ZNF132: variants seen among roughly 807,000 people sequenced by gnomAD.
ZNF132 encodes zinc finger protein 132 (clone pHZ-12).
Under a neutral mutation model 9.3 loss-of-function variants are expected in ZNF132, and 6 were observed. The observed-to-expected ratio is 0.65, with a 90% CI of 0.35 to 1.28. The LOEUF is 1.28. ZNF132 is among the 50% of genes most tolerant of loss of function. ZNF132 has a pLI of 0.03. For missense variants in ZNF132, 877 were observed against 843.2 expected, an observed-to-expected ratio of 1.04 and a Z score of -0.50; for synonymous variants, 296 against 292.0, an observed-to-expected ratio of 1.01 and a Z score of -0.14.
chr19:58,438,331 CAT>C (rs1405380870), intron 1 of ZNF132, among the ~76,000 whole-genome samples: 1 of 152,138 alleles, frequency 6.6e-6, no homozygotes, highest in East Asian at 1.9e-4. Flanking sequence ...TTCATAATCA[CAT>C]GTTTAGTGGT....
chr19:58,433,186 C>A lies in ZNF132; in HGVS notation c.*137G>T, dbSNP rs1436282538. On this transcript the variant is annotated 3_prime_UTR_variant, in exon 3 of 3. Coordinates refer to ENST00000254166, the MANE Select transcript of ZNF132 (RefSeq NM_003433.4). ...GCCCTGCAAAGGTTCCTGGGCTGGT[C>A]AGAAACAGAGTAGCTTCTGAAGGCT... The A allele has an allele frequency of 5.4e-6, 5 of 926,494 alleles. No individual in the cohort carries two copies. The African/African-American group carries it at 6.7e-5, about 12-fold the overall frequency. 57.4% of individuals were successfully genotyped at this position (926,494 alleles called of 1,614,324 possible).
chr19:58,439,629 G>T, intron 1 of ZNF132, 130 bp downstream of exon 1: 2 of 997,156 alleles, frequency 2.0e-6, no homozygotes, highest in Non-Finnish European at 2.8e-6. Context: ...CCAGGGCAGG[G>T]CCCAGGACCC....
chr19:58,439,662 C>A, intron 1 of ZNF132, 97 bp downstream of exon 1: 1 of 1,326,320 alleles, frequency 7.5e-7, no homozygotes, highest in South Asian at 1.6e-5. Flanking sequence ...AGGACACGAT[C>A]AAGAGTCCCA....
rs148123600 is a variant in ZNF132 at position 58,437,163 on chromosome 19, G to A, written c.116C>T (p.Thr39Ile). 1.9e-6 allele frequency: 3 copies of A among 1,613,748 alleles called. No individual in the cohort carries two copies. The highest frequency in any genetic ancestry group is 1.7e-6 in the Non-Finnish European group (2 of 1,179,832). Reference protein sequence around the residue: ...SAVPTLKSMVTFEDVAVYFSQ... With the variant: ...SAVPTLKSMVIFEDVAVYFSQ... ...GAAGTATACAGCCACATCTTCAAAG[G>A]TTACCATGCTCTTCAATGTGGGGAC... Residue 39 changes from threonine to isoleucine, a missense_variant, in exon 2 of 3, where the codon ACC becomes ATC. By Grantham distance (89) the Thr-to-Ile change is moderately conservative. Transcript: ENST00000254166.
At chr19:58,438,646 T>G (rs2052785826) in intron 1 of ZNF132, among the ~76,000 whole-genome samples, 1 of 151,970 alleles carries the variant, frequency 6.6e-6, no homozygotes, top group Non-Finnish European at 1.5e-5. Flanking sequence ...ACTAATTTTT[T>G]GTATTTTTAG....
Position 58,433,847 on chromosome 19 carries a change from G to A in ZNF132, c.1597C>T (p.His533Tyr), listed in dbSNP as rs148446188. Residue 533 changes from histidine (H) to tyrosine (Y), a missense_variant, in exon 3 of 3, where the codon CAC (histidine) becomes TAC (tyrosine). His to Tyr is a moderately conservative substitution (Grantham distance 83, BLOSUM62 2). Coordinates refer to ENST00000254166, the MANE Select transcript of ZNF132 (RefSeq NM_003433.4). ...SFSRSSSLIQ[H>Y]WRIHTGEKPY... ...TTTTCTCCAGTGTGAATTCTCCAGT[G>A]CTGAATCAGGCTGGAGCTGCGGCTG... is the stretch of plus-strand genomic sequence containing the variant. 6 of 1,614,102 alleles carry A rather than the reference G, an allele frequency of 3.7e-6. No homozygotes were observed. The African/African-American group carries it at 5.3e-5, about 14-fold the overall frequency.
intron 1 of ZNF132, chr19:58,437,918 T>G (rs1480009937): frequency 1.6e-5 from 7 of 445,504 alleles, no homozygotes; most frequent in Non-Finnish European, 2.1e-5. Flanking sequence ...CCTTTGTATG[T>G]GTTGTCTCCT....
In ZNF132 at chr19:58,439,971, G is replaced by A. The variant is rs12104263; in HGVS notation, c.-150C>T. On this transcript the variant is annotated 5_prime_UTR_variant, in exon 1 of 3. The change creates a premature stop within an existing upstream ORF in the 5' untranslated region. Transcript: ENST00000254166. ...GACGAAGGCTGGGTATGGAGACCCT[G>A]GAGACGCGTGGCGCTGGCTCCACTT... 18,908 of 727,290 alleles carry A rather than the reference G, an allele frequency of 0.026. 2,202 individuals carry two copies. The African/African-American group carries it at 0.28, about 11-fold the overall frequency. 45.1% of individuals were successfully genotyped at this position (727,290 alleles called of 1,614,324 possible).
rs749409603 is a variant in ZNF132, at chr19:58,433,915, G to C, written c.1529C>G (p.Thr510Ser). 2.2e-5 allele frequency: 36 copies of C among 1,614,052 alleles called. No individual in the cohort carries two copies. Among genetic ancestry groups the C allele is most frequent in the Non-Finnish European group, 3.0e-5 (35 of 1,180,036 alleles). The change falls in exon 3 of 3, where the codon ACT becomes AGT. Residue 510 changes from threonine (T) to serine (S), a missense_variant. Thr to Ser is a moderately conservative substitution (Grantham distance 58). Coordinates refer to ENST00000254166, the MANE Select transcript of ZNF132 (RefSeq NM_003433.4). ...STLIQHQKVH[T>S]GQRPYECSEC... ...GCTGCACTCATAAGGCCTTTGCCCAGTATGTACTTTCTGGTGCTGGATGAG... is the reference window on the plus strand; with the variant it reads ...GCTGCACTCATAAGGCCTTTGCCCACTATGTACTTTCTGGTGCTGGATGAG...
rs148412336 is a variant in ZNF132 at position 58,438,858 on chromosome 19, T to G, written c.63+901A>C. Among the ~76,000 whole-genome samples, 926 of 151,764 alleles carry G rather than the reference T, an allele frequency of 6.1e-3. 8 individuals are homozygous for G. The highest frequency in any genetic ancestry group is 0.018 in the African/African-American group (756 of 41,370). Reference sequence around the variant, plus strand: ...CGATCTCAGCTCAATGCAACCTCCATCTCCCAGATTCAAACAGTTCTTCTG... The same window carrying G: ...CGATCTCAGCTCAATGCAACCTCCAGCTCCCAGATTCAAACAGTTCTTCTG... On this transcript the variant is annotated intron_variant, in intron 1 of 2. Coordinates refer to ENST00000254166, the MANE Select transcript of ZNF132 (RefSeq NM_003433.4).
In ZNF132 at chr19:58,438,988, G is replaced by T. The variant is rs1011024076; in HGVS notation, c.63+771C>A. Among the ~76,000 whole-genome samples, 80 of 151,232 alleles carry T rather than the reference G, an allele frequency of 5.3e-4. 1 individual carries two copies. The highest frequency in any genetic ancestry group is 4.3e-3 in the Admixed American group (65 of 15,186). On this transcript the variant is annotated intron_variant, in intron 1 of 2. Transcript: ENST00000254166. ...GGGGTTTCGCCACGTTGGCCAGGCT[G>T]GTCTTGAACTCCTGACCTCAAGTGA...
At chr19:58,439,236 A>C (rs1299798272) in intron 1 of ZNF132, among the ~76,000 whole-genome samples, 2 of 152,028 alleles carry the variant, frequency 1.3e-5, no homozygotes, top group East Asian at 3.9e-4. Context: ...TCAGCTCCTC[A>C]CTGGCCTTCC....
In ZNF132 at chr19:58,433,651, G is replaced by A; in HGVS notation, c.1793C>T (p.Pro598Leu). ...KHQKVHTGEKPYKCSECGKFF... is the reference protein window; with the variant it reads ...KHQKVHTGEKLYKCSECGKFF... The stretch of plus-strand genomic sequence containing the variant: ...TTTCCCACATTCACTGCATTTATAA[G>A]GCTTTTCTCCAGTATGAACTTTCTG... The change falls in exon 3 of 3, where the codon CCT (proline) becomes CTT (leucine). Residue 598 changes from proline to leucine, a missense_variant. Physicochemically the swap from Pro to Leu is moderately conservative, Grantham distance 98. Transcript: ENST00000254166. The A allele has an allele frequency of 6.2e-7, 1 of 1,614,174 alleles. No homozygotes were observed.
chr19:58,437,298 A>T, intron 1 of ZNF132, 83 bp from the exon 2 acceptor site: 1 of 1,434,972 alleles, frequency 7.0e-7, no homozygotes, highest in Non-Finnish European at 9.3e-7. Flanking sequence ...ATCTACCACT[A>T]ATATCTCTTT....
rs200814507 is a variant in ZNF132, at chr19:58,434,299, C to G, written c.1145G>C (p.Arg382Thr). ...ERPFECLKCGRAFSQSSNFLR... is the reference protein window; with the variant it reads ...ERPFECLKCGTAFSQSSNFLR... ...GAAATTGGAGCTTTGGCTGAAGGCT[C>G]TTCCACATTTCAGGCACTCAAAAGG... Residue 382 changes from arginine to threonine, a missense_variant, in exon 3 of 3, where the codon AGA (arginine) becomes ACA (threonine). Transcript: ENST00000254166. The G allele has an allele frequency of 1.3e-4, 214 of 1,613,852 alleles. No individual in the cohort carries two copies. The highest frequency in any genetic ancestry group is 1.7e-4 in the Non-Finnish European group (196 of 1,179,984).
Position 58,433,008 on chromosome 19 carries a change from G to GTTCACTGCCTAACC in ZNF132, c.*314_*315insGGTTAGGCAGTGAA. 1 of 362,742 alleles carries GTTCACTGCCTAACC rather than the reference G, an allele frequency of 2.8e-6. No individual in the cohort carries two copies. The highest frequency in any genetic ancestry group is 5.0e-6 in the Non-Finnish European group (1 of 201,630). The allele number at this position is 362,742 out of a possible 1,614,324, so 22.5% of individuals were successfully genotyped here. ...AGGCCCCTCAACCAGCATCGGTTCAGCTGAGCACAGTCCTGAATCCCTAGA... is the reference window on the plus strand; with the variant it reads ...AGGCCCCTCAACCAGCATCGGTTCAGTTCACTGCCTAACCCTGAGCACAGTCCTGAATCCCTAGA... On this transcript the variant is annotated 3_prime_UTR_variant, in exon 3 of 3. Coordinates refer to ENST00000254166, the MANE Select transcript of ZNF132 (RefSeq NM_003433.4).
At position 58,433,254 on chromosome 19, in the gene ZNF132, GGATTCTGCTGC is replaced by G; in HGVS notation, c.*58_*68del. On this transcript the variant is annotated 3_prime_UTR_variant, in exon 3 of 3. Coordinates refer to ENST00000254166, the MANE Select transcript of ZNF132 (RefSeq NM_003433.4). Reference sequence around the variant, plus strand: ...CATGTAGGTAATTTTTCTGGTATGGGGATTCTGCTGCATGAAGTTTGACTTGGCTGAAGATT... The same window carrying G: ...CATGTAGGTAATTTTTCTGGTATGGGATGAAGTTTGACTTGGCTGAAGATT... 6.7e-7 allele frequency: 1 copy of G among 1,496,198 alleles called. No homozygotes were observed. The highest frequency in any genetic ancestry group is 2.3e-5 in the East Asian group (1 of 44,192). 92.7% of individuals were successfully genotyped at this position (1,496,198 alleles called of 1,614,324 possible).
Position 58,433,929 on chromosome 19 carries a change from G to C in ZNF132, c.1515C>G (p.His505Gln), listed in dbSNP as rs573922418. 2.0e-4 allele frequency: 330 copies of C among 1,614,004 alleles called. 4 individuals carry two copies. In the South Asian group the frequency reaches 3.5e-3, roughly 17 times the overall value. The change falls in exon 3 of 3, where the codon CAC (histidine) becomes CAG (glutamine). Residue 505 changes from histidine (H) to glutamine (Q), a missense_variant. By Grantham distance (24) the His-to-Gln change is conservative (BLOSUM62 0). Transcript: ENST00000254166. ...GCCTTTGCCCAGTATGTACTTTCTG[G>C]TGCTGGATGAGGGTGGAGCTATTAC... ...AFSNSSTLIQ[H>Q]QKVHTGQRPY...
intron 2 of ZNF132, chr19:58,436,306 A>G (rs1458602117): frequency 6.5e-6 from 1 of 154,054 alleles, no homozygotes; most frequent in East Asian, 1.9e-4. Flanking sequence ...ACATATAGAA[A>G]TCACTAGACT....
Sources: gnomAD v4.1 joint callset for allele counts (sites outside exome capture counted in the v4.1 genomes callset) on GRCh38, gnomAD v4.1.1 for gene constraint, MANE v1.5 for transcripts, NCBI Gene and HGNC (gene_info 2026-07-23, HGNC 2026-07-21) for gene names.